Variants in VPS13B observed in about 807,000 individuals in gnomAD.
VPS13B encodes vacuolar protein sorting 13 homolog B.
A neutral mutation model predicts 426.4 loss-of-function variants in VPS13B; 285 were observed. The observed-to-expected ratio is 0.67, with a 90% CI of 0.61 to 0.74. VPS13B has a LOEUF of 0.74. Ranked by LOEUF, VPS13B falls within the 30% of genes least tolerant of loss-of-function variation. VPS13B has a pLI of 0.00. For synonymous variants in VPS13B, 1,676 were observed against 1,676.4 expected, an observed-to-expected ratio of 1.00 and a Z score of 0.01; for missense variants, 4,537 against 4,782.6, an observed-to-expected ratio of 0.95 and a Z score of 1.51.
intron 54 of VPS13B, among the ~76,000 whole-genome samples, chr8:99,846,764 C>G (rs1034433945): frequency 6.6e-6 from 1 of 152,166 alleles, no homozygotes; most frequent in Non-Finnish European, 1.5e-5. Flanking sequence ...GAAACCATCA[C>G]CTTACCTTAG....
At chr8:99,320,310 G>A (rs1300374457) in intron 19 of VPS13B, among the ~76,000 whole-genome samples, 1 of 152,068 alleles carries the variant, frequency 6.6e-6, no homozygotes, top group Non-Finnish European at 1.5e-5. Flanking sequence ...ATGGATAGTG[G>A]GGGCTATGTA....
At position 99,430,580 on chromosome 8, in the gene VPS13B, A is replaced by T. The variant is rs755859954; in HGVS notation, c.3083-957A>T. 3.9e-5 allele frequency among the ~76,000 whole-genome samples: 6 copies of T among 152,122 alleles called. No individual in the cohort carries two copies. The South Asian group carries it at 6.2e-4, about 16-fold the overall frequency. On this transcript the variant is annotated intron_variant, in intron 21 of 61. Coordinates refer to ENST00000357162, the MANE Select transcript of VPS13B (RefSeq NM_152564.5). ...TATGAAAACATGGTTGAAATCCTCT[A>T]ATTTCTTTACTTGGAAGAACAAAAT... is the stretch of plus-strand genomic sequence containing the variant.
At chr8:99,126,560 A>G (rs1848191964) in intron 8 of VPS13B, among the ~76,000 whole-genome samples, 1 of 152,228 alleles carries the variant, frequency 6.6e-6, no homozygotes, top group African/African-American at 2.4e-5. Context: ...CTCTCTGGAT[A>G]TTGAAATCAC....
At chr8:99,186,939 A>G (rs1813249912) in intron 16 of VPS13B, among the ~76,000 whole-genome samples, 1 of 152,208 alleles carries the variant, frequency 6.6e-6, no homozygotes, top group Non-Finnish European at 1.5e-5. Flanking sequence ...TTTAGGTGAT[A>G]TAAGCTGGCT....
chr8:99,443,639 T>TG (rs1408347125), intron 23 of VPS13B, among the ~76,000 whole-genome samples: 1 of 152,184 alleles, frequency 6.6e-6, no homozygotes, highest in Non-Finnish European at 1.5e-5. Context: ...TGATTCATGT[T>TG]GTAGCAGTCT....
At chr8:99,788,201 A>C (rs1812362173) in intron 43 of VPS13B, among the ~76,000 whole-genome samples, 1 of 151,804 alleles carries the variant, frequency 6.6e-6, no homozygotes, top group South Asian at 2.1e-4. Context: ...TCTATAAAAA[A>C]ACTTAAAAAT....
At chr8:99,191,376 CTTTTTTTTTTTTT>C (rs35215814) in intron 16 of VPS13B, among the ~76,000 whole-genome samples, 4 of 70,922 alleles carry the variant, frequency 5.6e-5, no homozygotes, top group South Asian at 5.1e-4. Flanking sequence ...CTCTCTCTCT[CTTTTTTTTTTTTT>C]TTTTTTTTTT....
intron 39 of VPS13B, among the ~76,000 whole-genome samples, chr8:99,759,803 C>A (rs1380176952): frequency 1.3e-5 from 2 of 152,090 alleles, no homozygotes; most frequent in African/African-American, 4.8e-5. Flanking sequence ...CACTTCTCAG[C>A]CAATCAATCA....
In VPS13B at chr8:99,829,565, T is replaced by C. The variant is rs528062089; in HGVS notation, c.9331-2804T>C. ...CATGATCCTTTAGCTCGGAGGACTT[T>C]GTTATTACCCACCTTCTGAATCTAC... On this transcript the variant is annotated intron_variant, in intron 51 of 61. Transcript: ENST00000357162. Among the ~76,000 whole-genome samples, 38 of 152,346 alleles carry C rather than the reference T, an allele frequency of 2.5e-4. 1 individual carries two copies. The highest frequency in any genetic ancestry group is 8.9e-4 in the African/African-American group (37 of 41,592).
At chr8:99,500,522 G>C (rs1259863324) in intron 25 of VPS13B, among the ~76,000 whole-genome samples, 3 of 152,080 alleles carry the variant, frequency 2.0e-5, no homozygotes, top group African/African-American at 7.2e-5. Flanking sequence ...TTACAGAGGA[G>C]TGTACAGTTA....
chr8:99,309,667 C>T (rs935701270), intron 19 of VPS13B, among the ~76,000 whole-genome samples: 1 of 151,894 alleles, frequency 6.6e-6, no homozygotes, highest in African/African-American at 2.4e-5. Flanking sequence ...CAATGCGGGC[C>T]CTTTTTTGGT....
At chr8:99,825,746 A>G (rs1283871513) in intron 51 of VPS13B, among the ~76,000 whole-genome samples, 2 of 152,192 alleles carry the variant, frequency 1.3e-5, no homozygotes, top group African/African-American at 4.8e-5. Flanking sequence ...TAATTTTTGT[A>G]TAAGGTGTAA....
At chr8:99,256,091 T>C (rs1158834466) in intron 17 of VPS13B, among the ~76,000 whole-genome samples, 6 of 152,160 alleles carry the variant, frequency 3.9e-5, no homozygotes, top group African/African-American at 1.4e-4. Context: ...TACCTCTTTC[T>C]GGTCCTTTGG....
intron 39 of VPS13B, among the ~76,000 whole-genome samples, chr8:99,735,016 T>C (rs1316898617): frequency 1.3e-5 from 2 of 152,162 alleles, no homozygotes; most frequent in Admixed American, 6.5e-5. Flanking sequence ...TTTGGAGGAA[T>C]AATCGTAGTA....
intron 33 of VPS13B, among the ~76,000 whole-genome samples, chr8:99,604,273 A>G (rs1019108014): frequency 1.3e-5 from 2 of 152,184 alleles, no homozygotes; most frequent in Non-Finnish European, 2.9e-5. Context: ...CTTCTTGTCA[A>G]CATTCTACAA....
chr8:99,430,844 G>T (rs1050552296), intron 21 of VPS13B, among the ~76,000 whole-genome samples: 1 of 151,850 alleles, frequency 6.6e-6, no homozygotes, highest in Non-Finnish European at 1.5e-5. Context: ...TCAGGCTCCC[G>T]AGTAGCTGGG....
intron 17 of VPS13B, among the ~76,000 whole-genome samples, chr8:99,206,981 T>C (rs551949996): frequency 2.0e-5 from 3 of 152,318 alleles, no homozygotes; most frequent in Non-Finnish European, 4.4e-5. Flanking sequence ...TTGAGTTAGA[T>C]TTGTATTGAG....
rs72676269 is a variant in VPS13B, at chr8:99,859,513, C to A, written c.11044+33C>A. Reference sequence around the variant, plus strand: ...GTTCCGTTCCTTGTAATAATGCCTTCACTCCTTCCCTTTTTTTTTTTTTTT... The same window carrying A: ...GTTCCGTTCCTTGTAATAATGCCTTAACTCCTTCCCTTTTTTTTTTTTTTT... On this transcript the variant is annotated intron_variant, in intron 57 of 61. Coordinates refer to ENST00000357162, the MANE Select transcript of VPS13B (RefSeq NM_152564.5). 18,286 of 1,595,412 alleles carry A rather than the reference C, an allele frequency of 0.011. 139 individuals are homozygous for A. Among genetic ancestry groups the A allele is most frequent in the Non-Finnish European group, 0.014 (16,268 of 1,172,844 alleles).
chr8:99,124,701 A>C (rs570694559), intron 8 of VPS13B, among the ~76,000 whole-genome samples: 1 of 151,988 alleles, frequency 6.6e-6, no homozygotes, highest in Non-Finnish European at 1.5e-5. Flanking sequence ...CCTGGCCAAC[A>C]TGTTGAAACC....
Sources: allele counts gnomAD v4.1 joint callset (sites outside exome capture counted in the v4.1 genomes callset), GRCh38; gene constraint gnomAD v4.1.1; transcripts MANE v1.5; gene names NCBI Gene and HGNC (gene_info 2026-07-23, HGNC 2026-07-21).